The following ZFYVE1 variants were observed in gnomAD, a reference collection of about 807,000 sequenced individuals.
The protein encoded by ZFYVE1 is zinc finger FYVE domain-containing protein 1.
ZFYVE1 carries 30 observed loss-of-function variants against 74.4 expected under a neutral mutation model. That is an observed-to-expected ratio of 0.40 (90% confidence interval 0.30 to 0.55). ZFYVE1 has a LOEUF of 0.55. Ranked by LOEUF, ZFYVE1 falls within the 20% of genes least tolerant of loss-of-function variation. The pLI is 0.42. For missense variants in ZFYVE1, 703 were observed against 1,011.6 expected, an observed-to-expected ratio of 0.69 and a Z score of 4.14; for synonymous variants, 335 against 385.1, an observed-to-expected ratio of 0.87 and a Z score of 1.52.
chr14:73,013,401 A>G (rs771380982), intron 2 of ZFYVE1, among the ~76,000 whole-genome samples: 3 of 152,170 alleles, frequency 2.0e-5, no homozygotes, highest in Non-Finnish European at 4.4e-5. Flanking sequence ...TGAGATCAAG[A>G]GTCCAAGACC....
chr14:72,980,789 C>T (rs1264220570), intron 5 of ZFYVE1, among the ~76,000 whole-genome samples: 1 of 152,032 alleles, frequency 6.6e-6, no homozygotes. Flanking sequence ...ATCTGCTGAC[C>T]TCGTGATCCA....
In ZFYVE1 at chr14:72,983,005, G is replaced by A. The variant is rs548327627; in HGVS notation, c.1204-1110C>T. ...ATTACAGGCACCCACCACCACACCC[G>A]GCTAATTTTTTGTATTTTTAGTAGA... On this transcript the variant is annotated intron_variant, in intron 4 of 11. Coordinates refer to ENST00000556143, the MANE Select transcript of ZFYVE1 (RefSeq NM_021260.4). 3.9e-5 allele frequency among the ~76,000 whole-genome samples: 6 copies of A among 151,940 alleles called. No individual in the cohort carries two copies. The South Asian group carries it at 6.2e-4, about 16-fold the overall frequency.
Position 72,975,131 on chromosome 14 carries a change from G to A in ZFYVE1, c.1807-172C>T. ...TATCTGAGAATGGAAAGGAAGCCTG[G>A]TGGACAGTGAGTTTCCTTTCACTAA... On this transcript the variant is annotated intron_variant, in intron 9 of 11. Coordinates refer to ENST00000556143, the MANE Select transcript of ZFYVE1 (RefSeq NM_021260.4). This position sits in a 1 kb window ranked among gnomAD's most constrained non-coding sequence, Gnocchi z 4.1. 1 of 681,276 alleles carries A rather than the reference G, an allele frequency of 1.5e-6. No homozygotes were observed. The highest frequency in any genetic ancestry group is 2.4e-5 in the South Asian group (1 of 41,828). 42.2% of individuals were successfully genotyped at this position (681,276 alleles called of 1,614,324 possible).
chr14:72,985,685 A>T (rs879431853), intron 4 of ZFYVE1, among the ~76,000 whole-genome samples: 44 of 152,152 alleles, frequency 2.9e-4, no homozygotes, highest in Non-Finnish European at 5.6e-4. Context: ...GAGGAGACAC[A>T]GCTAAGGAAT....
At position 73,023,461 on chromosome 14, in the gene ZFYVE1, A is replaced by G. The variant is rs1894388859; in HGVS notation, c.483+565T>C. On this transcript the variant is annotated intron_variant, in intron 2 of 11. Coordinates refer to ENST00000556143, the MANE Select transcript of ZFYVE1 (RefSeq NM_021260.4). Reference sequence around the variant, plus strand: ...TATATATTTTATATATGTTTTATATATATAATATATATATGAAGAGACCAT... The same window carrying G: ...TATATATTTTATATATGTTTTATATGTATAATATATATATGAAGAGACCAT... Among the ~76,000 whole-genome samples the G allele has an allele frequency of 2.1e-5, 3 of 143,206 alleles. No homozygotes were observed. In the South Asian group the frequency reaches 6.3e-4, roughly 30 times the overall value. 93.9% of individuals were successfully genotyped at this position (143,206 alleles called of 152,430 possible).
chr14:73,016,029 A>C (rs1894195167), intron 2 of ZFYVE1, among the ~76,000 whole-genome samples: 1 of 152,188 alleles, frequency 6.6e-6, no homozygotes, highest in Non-Finnish European at 1.5e-5. Context: ...ATTCTAATAC[A>C]ACAAGATGTC....
intron 2 of ZFYVE1, among the ~76,000 whole-genome samples, chr14:73,013,604 A>G (rs1400988626): frequency 6.6e-6 from 1 of 152,034 alleles, no homozygotes; most frequent in East Asian, 1.9e-4. Context: ...CATCTCAAAA[A>G]AAAAAAGAAA....
At chr14:73,026,562 A>C (rs1371838529) in intron 1 of ZFYVE1, among the ~76,000 whole-genome samples, 1 of 152,150 alleles carries the variant, frequency 6.6e-6, no homozygotes, top group Non-Finnish European at 1.5e-5. Context: ...AGAAAAATAT[A>C]AAATCAACCT....
intron 10 of ZFYVE1, 26 bp downstream of exon 10, chr14:72,974,753 C>T (rs771164912): frequency 6.3e-7 from 1 of 1,579,646 alleles, no homozygotes; most frequent in South Asian, 1.1e-5. Flanking sequence ...CCCCTCCACC[C>T]CTGCAGCTCC....
At chr14:73,001,642 A>G (rs1893874278) in intron 2 of ZFYVE1, among the ~76,000 whole-genome samples, 1 of 152,098 alleles carries the variant, frequency 6.6e-6, no homozygotes, top group African/African-American at 2.4e-5. Flanking sequence ...ACCCCCAATT[A>G]TCATATGGAG....
chr14:72,971,209 C>A, intron 11 of ZFYVE1, 95 bp from the exon 12 acceptor site: 3 of 1,228,814 alleles, frequency 2.4e-6, no homozygotes, highest in Non-Finnish European at 3.4e-6. Context: ...GGCTTATAAT[C>A]CCAACTGCAC....
Position 72,979,580 on chromosome 14 carries a change from G to A in ZFYVE1, c.1311-611C>T, listed in dbSNP as rs1893269987. ...GAGGCAGGAGAATCACTTGAATCCA[G>A]GAGGCGGAGGTTGCAGTAAGCCAAG... On this transcript the variant is annotated intron_variant, in intron 5 of 11. Transcript: ENST00000556143. Among the ~76,000 whole-genome samples the A allele has an allele frequency of 2.6e-5, 4 of 151,946 alleles. No homozygotes were observed. The South Asian group carries it at 8.3e-4, about 32-fold the overall frequency.
At chr14:72,980,646 C>A (rs183018566) in intron 5 of ZFYVE1, among the ~76,000 whole-genome samples, 8 of 152,176 alleles carry the variant, frequency 5.3e-5, no homozygotes, top group African/African-American at 1.7e-4. Context: ...CAGCTCACTG[C>A]GGGCTCCGCC....
At chr14:72,974,438 A>G (rs1349895507) in intron 10 of ZFYVE1, among the ~76,000 whole-genome samples, 3 of 152,232 alleles carry the variant, frequency 2.0e-5, no homozygotes, top group African/African-American at 7.2e-5. Context: ...AGTAAGGCAG[A>G]AAGGTTCTAG....
intron 1 of ZFYVE1, among the ~76,000 whole-genome samples, chr14:73,025,334 G>C (rs1894435504): frequency 6.6e-6 from 1 of 151,786 alleles, no homozygotes; most frequent in African/African-American, 2.4e-5. Context: ...CTCCCAAAGT[G>C]CTGGGATTAC....
intron 2 of ZFYVE1, among the ~76,000 whole-genome samples, chr14:73,015,040 G>T (rs538825465): frequency 6.6e-6 from 1 of 151,838 alleles, no homozygotes; most frequent in South Asian, 2.1e-4. Flanking sequence ...AGACCAGCCT[G>T]GTCAACATGG....
At chr14:73,023,184 A>ATTT (rs1567366522) in intron 2 of ZFYVE1, among the ~76,000 whole-genome samples, 6 of 137,454 alleles carry the variant, frequency 4.4e-5, no homozygotes, top group South Asian at 4.3e-4. Flanking sequence ...ATATATATAT[A>ATTT]TATATATATT....
chr14:73,006,130 AG>A (rs1399648352), intron 2 of ZFYVE1, among the ~76,000 whole-genome samples: 1 of 151,734 alleles, frequency 6.6e-6, no homozygotes, highest in Non-Finnish European at 1.5e-5. Context: ...CGTGTTAGCC[AG>A]GATGGTCTCA....
chr14:72,986,807 G>A (rs1275353568), intron 4 of ZFYVE1: 5 of 893,160 alleles, frequency 5.6e-6, no homozygotes, highest in Non-Finnish European at 6.7e-6. Flanking sequence ...TGGGATTACA[G>A]GCGTGAGCCA....
Sources: allele counts gnomAD v4.1 joint callset (sites outside exome capture counted in the v4.1 genomes callset), GRCh38; gene constraint gnomAD v4.1.1; non-coding constraint Gnocchi (gnomAD v3.1); transcripts MANE v1.5; gene names NCBI Gene and HGNC (gene_info 2026-07-23, HGNC 2026-07-21).